The following TRPM3 variants were observed in gnomAD, a reference collection of about 807,000 sequenced individuals.
The protein encoded by TRPM3 is long transient receptor potential channel 3.
TRPM3 carries 77 observed loss-of-function variants against 181.2 expected under a neutral mutation model. That is an observed-to-expected ratio of 0.42 (90% CI 0.35 to 0.51). TRPM3 has a LOEUF of 0.51. Among genes scored for constraint, TRPM3 ranks in the 20% least tolerant of loss-of-function variants. The probability of loss-of-function intolerance (pLI) is 0.01; values close to 1 mark genes in which losing one functional copy is unlikely to be tolerated. For missense variants in TRPM3, 1,759 were observed against 2,196.7 expected (o/e 0.80, Z 3.98); for synonymous variants, 745 against 796.4 (o/e 0.94, Z 1.09).
At chr9:70,607,011 C>G (rs2061280803) in intron 19 of TRPM3, among the ~76,000 whole-genome samples, 1 of 152,032 alleles carries the variant, frequency 6.6e-6, no homozygotes. Flanking sequence ...CACACTGTGT[C>G]CTCTGACCTG....
At chr9:71,306,671 C>T (rs760544988) in intron 1 of TRPM3, among the ~76,000 whole-genome samples, 6 of 152,068 alleles carry the variant, frequency 3.9e-5, no homozygotes, top group Admixed American at 1.3e-4. Context: ...GTCAAGAGAT[C>T]GAGACAATCC....
chr9:70,607,657 T>A lies in TRPM3; in HGVS notation c.2667+2952A>T, dbSNP rs184722844. Among the ~76,000 whole-genome samples, 41 of 152,348 alleles carry A rather than the reference T, an allele frequency of 2.7e-4. 1 individual carries two copies. Among genetic ancestry groups the A allele is most frequent in the Admixed American group, 2.6e-3 (40 of 15,298 alleles). ...AAGCTGGTTAAACTAACACAGCCTC[T>A]TAGGCTCCTTCCTGAAGACTGGATT... On this transcript the variant is annotated intron_variant, in intron 19 of 25. Transcript: ENST00000677713.
upstream of TRPM3, among the ~76,000 whole-genome samples, chr9:71,123,381 CTTCT>C (rs1245259786): frequency 2.6e-5 from 4 of 152,114 alleles, no homozygotes; most frequent in South Asian, 2.1e-4. Context: ...ATTTACGTAC[CTTCT>C]TTGTGTCTTG....
At chr9:71,434,265 A>G (rs2093999722) in intron 1 of TRPM3, among the ~76,000 whole-genome samples, 1 of 152,154 alleles carries the variant, frequency 6.6e-6, no homozygotes, top group South Asian at 2.1e-4. Context: ...TGATATTAGG[A>G]GGTGGGGTCT....
chr9:71,423,575 C>T (rs2093814241), intron 1 of TRPM3, among the ~76,000 whole-genome samples: 1 of 152,054 alleles, frequency 6.6e-6, no homozygotes, highest in African/African-American at 2.4e-5. Flanking sequence ...ATGCTTATTA[C>T]TGAAACTTGT....
chr9:70,817,562 C>T (rs551057297), intron 6 of TRPM3, among the ~76,000 whole-genome samples: 98 of 152,252 alleles, frequency 6.4e-4, no homozygotes, highest in Non-Finnish European at 2.6e-4. Context: ...TAAGGTGTAT[C>T]GAGATTCAGC....
chr9:70,823,184 A>C (rs1412371219), intron 6 of TRPM3, among the ~76,000 whole-genome samples: 1 of 151,940 alleles, frequency 6.6e-6, no homozygotes. Context: ...ACCACTTTCT[A>C]CTACCTCCAC....
At chr9:70,540,632 T>G (rs1347219700) in intron 25 of TRPM3, among the ~76,000 whole-genome samples, 2 of 152,230 alleles carry the variant, frequency 1.3e-5, no homozygotes, top group Admixed American at 6.5e-5. Context: ...CCCTGGAGTT[T>G]GAGAGTGCAG....
At chr9:70,974,412 T>G (rs2097279961) in intron 1 of TRPM3, among the ~76,000 whole-genome samples, 1 of 136,524 alleles carries the variant, frequency 7.3e-6, no homozygotes, top group Non-Finnish European at 1.6e-5. Flanking sequence ...GGTGGCGGGC[T>G]CCTGTAGTAC....
chr9:70,647,404 T>G (rs2059031498), intron 9 of TRPM3, among the ~76,000 whole-genome samples: 1 of 152,100 alleles, frequency 6.6e-6, no homozygotes, highest in Non-Finnish European at 1.5e-5. Context: ...AATAAATAAA[T>G]GTGATTCACC....
At chr9:70,599,359 T>C (rs760017810) in intron 20 of TRPM3, among the ~76,000 whole-genome samples, 1 of 152,074 alleles carries the variant, frequency 6.6e-6, no homozygotes, top group Non-Finnish European at 1.5e-5. Context: ...TGTTCAATTA[T>C]AGATAAATTA....
chr9:70,760,385 T>C (rs73453851), intron 8 of TRPM3, among the ~76,000 whole-genome samples: 2,113 of 149,218 alleles, frequency 0.014, 58 homozygotes, highest in African/African-American at 0.049. Flanking sequence ...GTATTCGAGC[T>C]GCAACACCAT....
chr9:70,993,956 A>G (rs1194552378), intron 1 of TRPM3, among the ~76,000 whole-genome samples: 2 of 152,158 alleles, frequency 1.3e-5, no homozygotes, highest in Non-Finnish European at 2.9e-5. Context: ...TCCCAATGAC[A>G]TTCATGTCAC....
At chr9:71,089,379 T>C (rs188057942) in intron 1 of TRPM3, among the ~76,000 whole-genome samples, 1 of 151,524 alleles carries the variant, frequency 6.6e-6, no homozygotes, top group Admixed American at 6.6e-5. Context: ...TTAGATAGCG[T>C]TTCTACCTCC....
intron 1 of TRPM3, among the ~76,000 whole-genome samples, chr9:71,174,964 G>C (rs2077036361): frequency 6.6e-6 from 1 of 152,168 alleles, no homozygotes; most frequent in Non-Finnish European, 1.5e-5. Context: ...TACTGGAAAT[G>C]AATGAGAGAC....
chr9:70,827,925 T>G lies in TRPM3; in HGVS notation c.895A>C (p.Thr299Pro). The G allele has an allele frequency of 6.2e-7, 1 of 1,614,162 alleles. No individual in the cohort carries two copies. The highest frequency in any genetic ancestry group is 8.5e-7 in the Non-Finnish European group (1 of 1,180,006). The stretch of plus-strand genomic sequence containing the variant: ...ACCTCTGCTCCATATTTTCCAGTGG[T>G]CCCGTTGTCAGCCAGAATGAAGTGG... Reference protein sequence around the residue: ...HSHFILADNGTTGKYGAEVKL... With the variant: ...HSHFILADNGPTGKYGAEVKL... Residue 299 changes from threonine to proline, a missense_variant, in exon 6 of 26, where the codon ACC (threonine) becomes CCC (proline). Thr to Pro is a conservative substitution (Grantham distance 38, BLOSUM62 -1). This residue lies in a region of TRPM3 where 737 missense variants were observed against 957.4 expected (regional missense o/e 0.77). Coordinates refer to ENST00000677713, the MANE Select transcript of TRPM3 (RefSeq NM_001366145.2).
At chr9:71,184,050 C>G (rs184043654) in intron 1 of TRPM3, among the ~76,000 whole-genome samples, 62 of 152,272 alleles carry the variant, frequency 4.1e-4, no homozygotes, top group African/African-American at 1.4e-3. Context: ...CAAGCCCCAT[C>G]ATCAGCTCAG....
chr9:71,029,996 A>G (rs2057084966), intron 1 of TRPM3, among the ~76,000 whole-genome samples: 1 of 152,204 alleles, frequency 6.6e-6, no homozygotes, highest in Non-Finnish European at 1.5e-5. Flanking sequence ...GAGGATTTCT[A>G]TAAAGACAAA....
intron 1 of TRPM3, among the ~76,000 whole-genome samples, chr9:71,133,659 A>G (rs1399804970): frequency 1.3e-5 from 2 of 152,144 alleles, no homozygotes; most frequent in Non-Finnish European, 2.9e-5. Context: ...TTTTATATTA[A>G]GGACATTAAT....
Sources: allele counts gnomAD v4.1 joint callset (sites outside exome capture counted in the v4.1 genomes callset), GRCh38; gene constraint gnomAD v4.1.1; regional missense constraint gnomAD v4.1.1; transcripts MANE v1.5; gene names NCBI Gene and HGNC (gene_info 2026-07-23, HGNC 2026-07-21).